Variants in ZSWIM6 observed in about 807,000 individuals in gnomAD.
ZSWIM6 encodes the protein zinc finger SWIM domain-containing protein 6.
A neutral mutation model predicts 113.2 loss-of-function variants in ZSWIM6; 9 were observed. That is an observed-to-expected ratio of 0.08 (90% CI 0.05 to 0.14). ZSWIM6 has a LOEUF of 0.14. ZSWIM6 is among the 10% of genes least tolerant of loss of function. The pLI is 1.00. For missense variants in ZSWIM6, 1,162 were observed against 1,552.2 expected, an observed-to-expected ratio of 0.75 and a Z score of 4.22; for synonymous variants, 611 against 606.5, an observed-to-expected ratio of 1.01 and a Z score of -0.11.
chr5:61,467,359 T>A (rs929255558), intron 1 of ZSWIM6, among the ~76,000 whole-genome samples: 1 of 152,240 alleles, frequency 6.6e-6, no homozygotes, highest in Non-Finnish European at 1.5e-5. Flanking sequence ...TTTGCAAGCC[T>A]ATTTAATGTC....
intron 4 of ZSWIM6, among the ~76,000 whole-genome samples, chr5:61,506,927 C>T (rs1309579468): frequency 6.6e-6 from 1 of 152,108 alleles, no homozygotes; most frequent in Admixed American, 6.6e-5. Flanking sequence ...TTTTACTTTG[C>T]CTGCCATTAC....
chr5:61,414,694 G>C (rs1746211663), intron 1 of ZSWIM6, among the ~76,000 whole-genome samples: 1 of 152,170 alleles, frequency 6.6e-6, no homozygotes, highest in Non-Finnish European at 1.5e-5. Context: ...CCCAAACTGA[G>C]GCAGTCAGCA....
intron 1 of ZSWIM6, among the ~76,000 whole-genome samples, chr5:61,424,744 T>G (rs76757226): frequency 6.6e-6 from 1 of 151,110 alleles, no homozygotes; most frequent in East Asian, 1.9e-4. Context: ...TTTTTTTTTT[T>G]GGAGATGGAG....
intron 1 of ZSWIM6, among the ~76,000 whole-genome samples, chr5:61,379,015 A>G (rs960579548): frequency 1.3e-5 from 2 of 151,918 alleles, no homozygotes; most frequent in Non-Finnish European, 2.9e-5. Context: ...CCCTGTCTCT[A>G]CAAGAAGATA....
chr5:61,481,719 C>A (rs1287930653), intron 2 of ZSWIM6, among the ~76,000 whole-genome samples: 1 of 152,084 alleles, frequency 6.6e-6, no homozygotes, highest in East Asian at 1.9e-4. Context: ...TCCTTCATGT[C>A]CATGAATTCT....
chr5:61,429,501 G>A (rs1402320205), intron 1 of ZSWIM6, among the ~76,000 whole-genome samples: 2 of 152,208 alleles, frequency 1.3e-5, no homozygotes, highest in Non-Finnish European at 2.9e-5. Flanking sequence ...GCATGGCCTG[G>A]AAGTGGTGCA....
At chr5:61,334,618 G>C (rs1167494183) in intron 1 of ZSWIM6, among the ~76,000 whole-genome samples, 4 of 152,172 alleles carry the variant, frequency 2.6e-5, no homozygotes, top group Non-Finnish European at 5.9e-5. Flanking sequence ...GTGGTTTTCT[G>C]CATGGTCATT....
Position 61,332,560 on chromosome 5 carries a change from G to A in ZSWIM6, c.288G>A (p.Glu96=), listed in dbSNP as rs748105401. 64 of 1,363,966 alleles carry A rather than the reference G, an allele frequency of 4.7e-5. No individual in the cohort carries two copies. The South Asian group carries it at 7.9e-4, about 17-fold the overall frequency. The allele number at this position is 1,363,966 out of a possible 1,614,324, so 84.5% of individuals were successfully genotyped here. The change falls in exon 1 of 14, where the codon GAG becomes GAA. Residue 96 remains glutamate (E), a synonymous_variant. Transcript: ENST00000252744. The part of the protein sequence containing the change: ...AEKWPFQRVE[E]RFERIPEPVQ... ...AGTGGCCGTTCCAGCGCGTGGAGGAGCGCTTTGAGCGCATCCCGGAGCCGG... is the reference window on the plus strand; with the variant it reads ...AGTGGCCGTTCCAGCGCGTGGAGGAACGCTTTGAGCGCATCCCGGAGCCGG...
chr5:61,441,322 G>A (rs1170397783), intron 1 of ZSWIM6, among the ~76,000 whole-genome samples: 3 of 152,046 alleles, frequency 2.0e-5, no homozygotes, highest in African/African-American at 7.2e-5. Flanking sequence ...ATAGCTTTAT[G>A]GTTAGTCTCC....
At chr5:61,358,691 A>G (rs915085845) in intron 1 of ZSWIM6, among the ~76,000 whole-genome samples, 4 of 152,256 alleles carry the variant, frequency 2.6e-5, no homozygotes, top group Admixed American at 2.6e-4. Flanking sequence ...GTACAAGGAA[A>G]TGCTGCTAGT....
chr5:61,360,562 A>T (rs1037512902), intron 1 of ZSWIM6, among the ~76,000 whole-genome samples: 1 of 152,070 alleles, frequency 6.6e-6, no homozygotes, highest in Admixed American at 6.6e-5. Flanking sequence ...CTACTTTTTG[A>T]TCTTGCCCCC....
chr5:61,352,263 T>C (rs1319656062), intron 1 of ZSWIM6, among the ~76,000 whole-genome samples: 1 of 152,208 alleles, frequency 6.6e-6, no homozygotes, highest in Non-Finnish European at 1.5e-5. Flanking sequence ...TAATCATAGT[T>C]TTTTGTGTGA....
chr5:61,357,153 C>G (rs375314141), intron 1 of ZSWIM6, among the ~76,000 whole-genome samples: 2 of 152,128 alleles, frequency 1.3e-5, no homozygotes, highest in South Asian at 4.1e-4. Context: ...GATTCTGATA[C>G]GCACAGAACC....
chr5:61,478,515 T>G (rs1747766777), intron 2 of ZSWIM6, among the ~76,000 whole-genome samples: 1 of 152,220 alleles, frequency 6.6e-6, no homozygotes, highest in South Asian at 2.1e-4. Context: ...TTTTTTTCTC[T>G]TAATATATCA....
intron 1 of ZSWIM6, among the ~76,000 whole-genome samples, chr5:61,466,787 T>C (rs1747446221): frequency 6.6e-6 from 1 of 152,218 alleles, no homozygotes; most frequent in Non-Finnish European, 1.5e-5. Context: ...ATCCCTTTTT[T>C]TTCAGTCTGA....
At chr5:61,374,190 A>T (rs1745321988) in intron 1 of ZSWIM6, among the ~76,000 whole-genome samples, 1 of 152,220 alleles carries the variant, frequency 6.6e-6, no homozygotes, top group Non-Finnish European at 1.5e-5. Context: ...TAGGGGTGAT[A>T]TGTTCAAAAG....
intron 1 of ZSWIM6, among the ~76,000 whole-genome samples, chr5:61,377,711 G>T (rs543999656): frequency 1.3e-3 from 183 of 142,104 alleles, no homozygotes; most frequent in African/African-American, 4.6e-3. Context: ...GCGAGACTTC[G>T]TCTCAAAAAA....
intron 1 of ZSWIM6, among the ~76,000 whole-genome samples, chr5:61,387,505 C>A (rs1399280643): frequency 6.6e-6 from 1 of 151,322 alleles, no homozygotes; most frequent in Non-Finnish European, 1.5e-5. Context: ...CTCTACAAAA[C>A]ATATAAAAAA....
intron 9 of ZSWIM6, among the ~76,000 whole-genome samples, chr5:61,534,405 C>T (rs760265739): frequency 6.6e-6 from 1 of 152,070 alleles, no homozygotes; most frequent in Non-Finnish European, 1.5e-5. Context: ...TGCTCATAAC[C>T]AACCACCAGT....
Sources: allele counts gnomAD v4.1 joint callset (sites outside exome capture counted in the v4.1 genomes callset), GRCh38; gene constraint gnomAD v4.1.1; transcripts MANE v1.5; gene names NCBI Gene and HGNC (gene_info 2026-07-23, HGNC 2026-07-21).